FMN2: variants seen among roughly 807,000 people sequenced by gnomAD.
The protein encoded by FMN2 is formin 2.
In FMN2, 51 loss-of-function variants were observed where a neutral mutation model predicts 142.3. That is an observed-to-expected ratio of 0.36 (90% CI 0.29 to 0.45). FMN2 has a LOEUF of 0.45. FMN2 is among the 20% of genes least tolerant of loss of function. The probability of loss-of-function intolerance (pLI) is 1.00; values close to 1 mark genes in which losing one functional copy is unlikely to be tolerated. For synonymous variants in FMN2, 882 were observed against 869.8 expected, an observed-to-expected ratio of 1.01 and a Z score of -0.25; for missense variants, 1,936 against 2,122.8, an observed-to-expected ratio of 0.91 and a Z score of 1.73.
At chr1:240,426,752 T>A (rs1014687893) in intron 15 of FMN2, among the ~76,000 whole-genome samples, 1 of 152,192 alleles carries the variant, frequency 6.6e-6, no homozygotes, top group Admixed American at 6.6e-5. Flanking sequence ...TTATTTATTT[T>A]TAAGATGCAG....
chr1:240,101,482 C>A (rs1661409555), intron 1 of FMN2, among the ~76,000 whole-genome samples: 1 of 151,840 alleles, frequency 6.6e-6, no homozygotes, highest in Admixed American at 6.6e-5. Context: ...CATTATCTGA[C>A]AATAGGACCG....
chr1:240,315,141 T>C (rs1670734173), intron 8 of FMN2, among the ~76,000 whole-genome samples: 1 of 152,206 alleles, frequency 6.6e-6, no homozygotes, highest in Admixed American at 6.5e-5. Flanking sequence ...TCTGCTGATG[T>C]TACAGGAATG....
intron 16 of FMN2, chr1:240,459,293 G>A (rs1165522775): frequency 1.3e-5 from 2 of 152,034 alleles, no homozygotes; most frequent in African/African-American, 4.8e-5. Flanking sequence ...TGTGAACCTT[G>A]CTGTTTACTC....
At chr1:240,165,929 G>A (rs1399196398) in intron 2 of FMN2, among the ~76,000 whole-genome samples, 13 of 151,906 alleles carry the variant, frequency 8.6e-5, no homozygotes, top group East Asian at 1.9e-4. Context: ...CCCTTTCCCC[G>A]GATAATGTGT....
At chr1:240,122,078 T>TAA (rs10641196) in intron 1 of FMN2, among the ~76,000 whole-genome samples, 48,064 of 149,678 alleles carry the variant, frequency 0.32, 7,849 homozygotes, top group Non-Finnish European at 0.35. Context: ...ATTAATTAAT[T>TAA]TATTTATTTA....
chr1:240,118,154 G>GCT (rs35161853), intron 1 of FMN2, among the ~76,000 whole-genome samples: 40,567 of 151,974 alleles, frequency 0.27, 6,173 homozygotes, highest in Middle Eastern at 0.36. Flanking sequence ...TAGGGAGGTG[G>GCT]CTCTTGCATC....
intron 14 of FMN2, among the ~76,000 whole-genome samples, chr1:240,357,534 T>A (rs1672312043): frequency 6.6e-6 from 1 of 152,104 alleles, no homozygotes; most frequent in Non-Finnish European, 1.5e-5. Context: ...AGTAGTTCCC[T>A]GGTAGGAAAG....
Position 240,227,994 on chromosome 1 carries a change from T to A in FMN2, c.4065+16759T>A, listed in dbSNP as rs564599012. Among the ~76,000 whole-genome samples the A allele has an allele frequency of 8.6e-5, 13 of 151,938 alleles. No homozygotes were observed. The East Asian group carries it at 9.7e-4, about 11-fold the overall frequency. On this transcript the variant is annotated intron_variant, in intron 6 of 17. Transcript: ENST00000319653. Reference sequence around the variant, plus strand: ...TACAACTCAATAACAACAATAATTTTAAAAAAATCTAATTTCAAAATGGGC... The same window carrying A: ...TACAACTCAATAACAACAATAATTTAAAAAAAATCTAATTTCAAAATGGGC...
At chr1:240,417,866 T>G (rs943220988) in intron 15 of FMN2, among the ~76,000 whole-genome samples, 4 of 152,202 alleles carry the variant, frequency 2.6e-5, no homozygotes, top group Non-Finnish European at 4.4e-5. Context: ...AATGTTTGTT[T>G]CATCTTTCAA....
intron 14 of FMN2, among the ~76,000 whole-genome samples, chr1:240,387,460 CTA>C (rs1673444440): frequency 6.6e-6 from 1 of 152,164 alleles, no homozygotes; most frequent in Middle Eastern, 3.2e-3. Context: ...TTATTTACTG[CTA>C]TGTCTTTAAA....
At position 240,474,240 on chromosome 1, in the gene FMN2, A is replaced by G; in HGVS notation, c.*86A>G. ...TGAGAGTGGGAGGGAAACTACCGTC[A>G]TTCTGCTCATGTTTCTTCTTGACCT... On this transcript the variant is annotated 3_prime_UTR_variant, in exon 18 of 18. Transcript: ENST00000319653. The G allele has an allele frequency of 2.5e-6, 3 of 1,213,208 alleles. No homozygotes were observed. Among genetic ancestry groups the G allele is most frequent in the Middle Eastern group, 3.9e-4 (2 of 5,102 alleles). The allele number at this position is 1,213,208 out of a possible 1,614,324, so 75.2% of individuals were successfully genotyped here.
chr1:240,100,946 G>T (rs1320184644), intron 1 of FMN2, among the ~76,000 whole-genome samples: 1 of 152,162 alleles, frequency 6.6e-6, no homozygotes, highest in Non-Finnish European at 1.5e-5. Context: ...CATGCAGAAG[G>T]GTTCTTTGTT....
chr1:240,440,536 C>G (rs1675574748), intron 16 of FMN2, among the ~76,000 whole-genome samples: 1 of 152,140 alleles, frequency 6.6e-6, no homozygotes, highest in African/African-American at 2.4e-5. Flanking sequence ...TGTCCTAGAA[C>G]TATGTGATGG....
chr1:240,212,842 C>T (rs1185968683), intron 6 of FMN2, among the ~76,000 whole-genome samples: 1 of 152,144 alleles, frequency 6.6e-6, no homozygotes, highest in Non-Finnish European at 1.5e-5. Context: ...ACATGACAAA[C>T]GTGTAGATGT....
In FMN2 at chr1:240,236,594, A is replaced by C. The variant is rs375070550; in HGVS notation, c.4066-21351A>C. Among the ~76,000 whole-genome samples, 47 of 152,330 alleles carry C rather than the reference A, an allele frequency of 3.1e-4. No individual in the cohort carries two copies. In the East Asian group the frequency reaches 6.6e-3, roughly 21 times the overall value. On this transcript the variant is annotated intron_variant, in intron 6 of 17. Coordinates refer to ENST00000319653, the MANE Select transcript of FMN2 (RefSeq NM_020066.5). The stretch of plus-strand genomic sequence containing the variant: ...GAGGCCTCATCACCTTCTGCCATGA[A>C]GGTTTTACTCACGGCAGAAGGTGAA...
chr1:240,131,905 T>G (rs979995074), intron 2 of FMN2, among the ~76,000 whole-genome samples: 1 of 152,186 alleles, frequency 6.6e-6, no homozygotes, highest in Non-Finnish European at 1.5e-5. Flanking sequence ...CAGATTGGCA[T>G]TTGTAAAATA....
chr1:240,256,588 A>C (rs1668457904), intron 6 of FMN2, among the ~76,000 whole-genome samples: 1 of 143,138 alleles, frequency 7.0e-6, no homozygotes, highest in Non-Finnish European at 1.5e-5. Context: ...AAAATACAAA[A>C]AAAAAAAAAA....
At chr1:240,365,010 T>G (rs1333704662) in intron 14 of FMN2, among the ~76,000 whole-genome samples, 1 of 152,248 alleles carries the variant, frequency 6.6e-6, no homozygotes, top group Non-Finnish European at 1.5e-5. Flanking sequence ...ATGTATCTAT[T>G]ATAAAATACA....
chr1:240,195,261 G>A (rs772059728), intron 4 of FMN2, among the ~76,000 whole-genome samples: 2 of 152,254 alleles, frequency 1.3e-5, no homozygotes, highest in Non-Finnish European at 2.9e-5. Context: ...GATGTTGAAT[G>A]AGGTGAAGCT....
Sources: allele counts gnomAD v4.1 joint callset (sites outside exome capture counted in the v4.1 genomes callset), GRCh38; gene constraint gnomAD v4.1.1; transcripts MANE v1.5; gene names NCBI Gene and HGNC (gene_info 2026-07-23, HGNC 2026-07-21).